The following PRICKLE2 variants were observed in gnomAD, a reference collection of about 807,000 sequenced individuals.
PRICKLE2 encodes prickle-like protein 2.
PRICKLE2 carries 21 observed loss-of-function variants against 81.4 expected under a neutral mutation model. That is an observed-to-expected ratio of 0.26 (90% CI 0.18 to 0.37). PRICKLE2 has a LOEUF of 0.37. Ranked by LOEUF, PRICKLE2 falls within the 10% of genes least tolerant of loss-of-function variation. PRICKLE2 has a pLI of 1.00. For synonymous variants in PRICKLE2, 456 were observed against 421.5 expected, an observed-to-expected ratio of 1.08 and a Z score of -1.00; for missense variants, 940 against 1,109.0, an observed-to-expected ratio of 0.85 and a Z score of 2.16.
intron 2 of PRICKLE2, among the ~76,000 whole-genome samples, chr3:64,193,988 T>C (rs976200030): frequency 5.0e-4 from 76 of 152,228 alleles, no homozygotes; most frequent in African/African-American, 1.4e-4. Context: ...GGCAAAAAGG[T>C]TGAAACACAA....
intron 1 of PRICKLE2, among the ~76,000 whole-genome samples, chr3:64,211,172 G>T (rs2078779982): frequency 6.6e-6 from 1 of 152,132 alleles, no homozygotes; most frequent in African/African-American, 2.4e-5. Flanking sequence ...AGACAAGCAG[G>T]CTCAACCAAC....
chr3:64,157,153 T>A lies in PRICKLE2; in HGVS notation c.600+9A>T, dbSNP rs1201784905. On this transcript the variant is annotated intron_variant, in intron 5 of 7. Coordinates refer to ENST00000638394, the MANE Select transcript of PRICKLE2 (RefSeq NM_198859.4). Reference sequence around the variant, plus strand: ...ATGGGCAGGTAAACCTGCTGGAGTTTGCTCTAACCTCATCGCAGGCAGCAC... The same window carrying A: ...ATGGGCAGGTAAACCTGCTGGAGTTAGCTCTAACCTCATCGCAGGCAGCAC... 2.5e-6 allele frequency: 4 copies of A among 1,613,644 alleles called. No homozygotes were observed. The highest frequency in any genetic ancestry group is 3.4e-6 in the Non-Finnish European group (4 of 1,179,576).
rs952961914 is a variant in PRICKLE2, at chr3:64,157,219, T to A, written c.543A>T (p.Ile181=). 3 of 1,614,196 alleles carry A rather than the reference T, an allele frequency of 1.9e-6. No homozygotes were observed. The highest frequency in any genetic ancestry group is 2.5e-6 in the Non-Finnish European group (3 of 1,180,026). Residue 181 remains isoleucine (I), a synonymous_variant, in exon 5 of 8, where the codon ATA becomes ATT. Transcript: ENST00000638394. ...DLIYFYQDGK[I]YCGRHHAECL... ...ACTCAGCATGGTGCCTGCCACAGTA[T>A]ATCTTCCCATCTTGGTAAAAGTAGA...
chr3:64,242,130 T>G (rs1176593175), intron 2 of PRICKLE2, among the ~76,000 whole-genome samples: 2 of 152,172 alleles, frequency 1.3e-5, no homozygotes, highest in Non-Finnish European at 2.9e-5. Flanking sequence ...GAGGTCTTAT[T>G]TGGAGCCTTC....
At chr3:64,125,785 G>A (rs1464470584) in intron 7 of PRICKLE2, among the ~76,000 whole-genome samples, 1 of 152,132 alleles carries the variant, frequency 6.6e-6, no homozygotes, top group Non-Finnish European at 1.5e-5. Flanking sequence ...GCTCTATTGA[G>A]GTGTTTTAGA....
At chr3:64,161,572 G>C (rs1266286950) in intron 3 of PRICKLE2, among the ~76,000 whole-genome samples, 1 of 152,014 alleles carries the variant, frequency 6.6e-6, no homozygotes, top group Non-Finnish European at 1.5e-5. Flanking sequence ...CTGCCCACTG[G>C]GTCACACACA....
intron 2 of PRICKLE2, among the ~76,000 whole-genome samples, chr3:64,244,267 T>C (rs1305417968): frequency 6.6e-6 from 1 of 152,192 alleles, no homozygotes; most frequent in Non-Finnish European, 1.5e-5. Context: ...TAACCAAGGC[T>C]GGATACCCTG....
At chr3:64,179,016 TTTCTTTCTTTCTTTCTTTC>T (rs1181886637) in intron 2 of PRICKLE2, among the ~76,000 whole-genome samples, 5 of 140,974 alleles carry the variant, frequency 3.5e-5, no homozygotes, top group African/African-American at 1.4e-4. Flanking sequence ...TCTTTCTTTC[TTTCTTTCTTTCTTTCTTTC>T]TTTTCTTTCC....
intron 7 of PRICKLE2, among the ~76,000 whole-genome samples, chr3:64,129,182 G>A (rs1299110879): frequency 1.3e-5 from 2 of 151,800 alleles, no homozygotes; most frequent in Non-Finnish European, 2.9e-5. Flanking sequence ...CTCAAGTGTT[G>A]TAAAAATACA....
intron 2 of PRICKLE2, among the ~76,000 whole-genome samples, chr3:64,178,677 A>T (rs563906697): frequency 6.6e-6 from 1 of 152,340 alleles, no homozygotes; most frequent in Admixed American, 6.5e-5. Flanking sequence ...GATTCTCTTT[A>T]TTCATGGCAG....
intron 1 of PRICKLE2, among the ~76,000 whole-genome samples, chr3:64,218,132 T>A (rs966092563): frequency 6.6e-6 from 1 of 152,124 alleles, no homozygotes; most frequent in African/African-American, 2.4e-5. Flanking sequence ...AGCCAAAACC[T>A]CAGTTAACCA....
At chr3:64,254,631 G>A (rs907898241) in intron 2 of PRICKLE2, among the ~76,000 whole-genome samples, 2 of 152,080 alleles carry the variant, frequency 1.3e-5, no homozygotes, top group African/African-American at 2.4e-5. Context: ...TTCCACCCAC[G>A]CAGTCCTAGT....
chr3:64,125,738 C>T (rs1430736007), intron 7 of PRICKLE2, among the ~76,000 whole-genome samples: 1 of 152,146 alleles, frequency 6.6e-6, no homozygotes, highest in African/African-American at 2.4e-5. Flanking sequence ...CATTGGGAAA[C>T]CAAAAAATTT....
At chr3:64,238,290 C>T (rs1282109054) in intron 2 of PRICKLE2, among the ~76,000 whole-genome samples, 1 of 151,942 alleles carries the variant, frequency 6.6e-6, no homozygotes, top group Non-Finnish European at 1.5e-5. Context: ...GAGATTGAGA[C>T]CAGCCTGGAC....
At chr3:64,221,641 C>T (rs937779444) in intron 1 of PRICKLE2, among the ~76,000 whole-genome samples, 1 of 152,090 alleles carries the variant, frequency 6.6e-6, no homozygotes, top group Non-Finnish European at 1.5e-5. Context: ...TTTATAAGCA[C>T]CACAGTCATG....
In PRICKLE2 at chr3:64,092,945, C is replaced by T. The variant is rs2076525606; in HGVS notation, c.*6106G>A. On this transcript the variant is annotated 3_prime_UTR_variant, in exon 8 of 8. Transcript: ENST00000638394. Reference sequence around the variant, plus strand: ...AGTTCAGTAGTATTAAGTTCATCTGCATTGTTCTGCAACCCGTCTCCAGAA... The same window carrying T: ...AGTTCAGTAGTATTAAGTTCATCTGTATTGTTCTGCAACCCGTCTCCAGAA... 6.6e-6 allele frequency: 1 copy of T among 152,262 alleles called. No individual in the cohort carries two copies. The highest frequency in any genetic ancestry group is 1.5e-5 in the Non-Finnish European group (1 of 68,088). The allele number at this position is 152,262 out of a possible 1,614,324, so 9.4% of individuals were successfully genotyped here. A position where few individuals can be genotyped will look rare whatever the true frequency, so the allele number is the denominator to read the frequency against.
In PRICKLE2 at chr3:64,198,828, A is replaced by T; in HGVS notation, c.100T>A (p.Leu34Met). Reference sequence around the variant, plus strand: ...GGCGGGACCCAGGCATACTCTTCCAAAGCACAGCCTGAGTCATCATCTGAG... The same window carrying T: ...GGCGGGACCCAGGCATACTCTTCCATAGCACAGCCTGAGTCATCATCTGAG... Reference protein sequence around the residue: ...STSDDDSGCALEEYAWVPPGL... With the variant: ...STSDDDSGCAMEEYAWVPPGL... The change falls in exon 2 of 8, where the codon TTG (leucine) becomes ATG (methionine). Residue 34 changes from leucine to methionine, a missense_variant. Physicochemically the swap from Leu to Met is conservative, Grantham distance 15 (BLOSUM62 2). Transcript: ENST00000638394. 1 of 1,614,092 alleles carries T rather than the reference A, an allele frequency of 6.2e-7. No homozygotes were observed. The highest frequency in any genetic ancestry group is 8.5e-7 in the Non-Finnish European group (1 of 1,179,998).
chr3:64,104,880 CCAA>C (rs929738292), intron 7 of PRICKLE2: 20 of 152,198 alleles, frequency 1.3e-4, no homozygotes, highest in Non-Finnish European at 2.9e-5. Flanking sequence ...AACAGAAAGG[CCAA>C]TGTTGACCAA....
At chr3:64,141,329 T>A (rs904617070) in intron 7 of PRICKLE2, among the ~76,000 whole-genome samples, 4 of 152,230 alleles carry the variant, frequency 2.6e-5, no homozygotes, top group Admixed American at 6.5e-5. Context: ...TCTCAGTGCC[T>A]CATGTACACC....
Sources: gnomAD v4.1 joint callset for allele counts (sites outside exome capture counted in the v4.1 genomes callset) on GRCh38, gnomAD v4.1.1 for gene constraint, MANE v1.5 for transcripts, NCBI Gene and HGNC (gene_info 2026-07-23, HGNC 2026-07-21) for gene names.